IGF2BP2: variants seen among roughly 807,000 people sequenced by gnomAD.
IGF2BP2 encodes the protein insulin-like growth factor 2 mRNA-binding protein 2.
A neutral mutation model predicts 75.8 loss-of-function variants in IGF2BP2; 17 were observed. The observed-to-expected ratio is 0.22, with a 90% CI of 0.15 to 0.34. The LOEUF (loss-of-function observed/expected upper bound fraction) is 0.34. Ranked by LOEUF, IGF2BP2 falls within the 10% of genes least tolerant of loss-of-function variation. The pLI is 1.00. For synonymous variants in IGF2BP2, 288 were observed against 295.6 expected, an observed-to-expected ratio of 0.97 and a Z score of 0.26; for missense variants, 516 against 772.4, an observed-to-expected ratio of 0.67 and a Z score of 3.93.
Position 185,649,499 on chromosome 3 carries a change from T to G in IGF2BP2, c.1497A>C (p.Glu499Asp). ...CTTCTTCTTTGGGGTTAAAGAAGTT[T>G]TCCTCTTTCAGTTTCCCAAAGATCC... is the stretch of plus-strand genomic sequence containing the variant. Reference protein sequence around the residue: ...QGRIFGKLKEENFFNPKEEVK... With the variant: ...QGRIFGKLKEDNFFNPKEEVK... Residue 499 changes from glutamate (E) to aspartate (D), a missense_variant, in exon 14 of 16, where the codon GAA becomes GAC. Physicochemically the swap from Glu to Asp is conservative, Grantham distance 45 (BLOSUM62 2). Transcript: ENST00000382199. 8.1e-6 allele frequency: 13 copies of G among 1,614,200 alleles called. No homozygotes were observed. Among genetic ancestry groups the G allele is most frequent in the Non-Finnish European group, 1.1e-5 (13 of 1,180,028 alleles).
At chr3:185,677,042 G>GATATATAT (rs1491394053) in intron 7 of IGF2BP2, among the ~76,000 whole-genome samples, 5 of 21,610 alleles carry the variant, frequency 2.3e-4, no homozygotes, top group African/African-American at 8.6e-4. Context: ...TATATATATG[G>GATATATAT]AGATATATAT....
chr3:185,687,698 C>T (rs1721338563), intron 6 of IGF2BP2, among the ~76,000 whole-genome samples: 1 of 152,226 alleles, frequency 6.6e-6, no homozygotes, highest in Non-Finnish European at 1.5e-5. Context: ...TTTTGGTTTC[C>T]TTTCCATTGG....
intron 2 of IGF2BP2, among the ~76,000 whole-genome samples, chr3:185,790,908 A>G (rs9290823): frequency 0.039 from 5,916 of 152,304 alleles, 374 homozygotes; most frequent in African/African-American, 0.13. Context: ...AACTGCCCAC[A>G]TCATGTTTTT....
chr3:185,677,928 T>G (rs1185918490), intron 7 of IGF2BP2, among the ~76,000 whole-genome samples: 1 of 152,028 alleles, frequency 6.6e-6, no homozygotes, highest in Non-Finnish European at 1.5e-5. Flanking sequence ...TTAAAATAAA[T>G]AAATACAGTG....
intron 10 of IGF2BP2, among the ~76,000 whole-genome samples, chr3:185,662,653 C>T (rs1437546887): frequency 2.7e-5 from 4 of 148,368 alleles, no homozygotes; most frequent in Non-Finnish European, 4.4e-5. Context: ...AGTGATTCTT[C>T]TGCCTCAGCC....
chr3:185,794,990 C>T (rs1040156000), intron 2 of IGF2BP2, among the ~76,000 whole-genome samples: 4 of 152,024 alleles, frequency 2.6e-5, no homozygotes, highest in Non-Finnish European at 4.4e-5. Context: ...CTCCACCTCC[C>T]GGGTTCATGC....
intron 2 of IGF2BP2, among the ~76,000 whole-genome samples, chr3:185,703,857 T>C (rs1172966995): frequency 6.6e-6 from 1 of 152,198 alleles, no homozygotes; most frequent in Non-Finnish European, 1.5e-5. Context: ...TTCAGGCATA[T>C]GGTCTATTAG....
intron 2 of IGF2BP2, among the ~76,000 whole-genome samples, chr3:185,751,293 AG>A (rs1355001940): frequency 6.6e-6 from 1 of 151,942 alleles, no homozygotes; most frequent in Non-Finnish European, 1.5e-5. Context: ...AATCTAATGA[AG>A]GGGTCGGGTG....
chr3:185,730,239 A>AT (rs1371473707), intron 2 of IGF2BP2, among the ~76,000 whole-genome samples: 1 of 152,122 alleles, frequency 6.6e-6, no homozygotes, highest in African/African-American at 2.4e-5. Context: ...GTTATTTCAC[A>AT]TAAGATAATG....
At position 185,798,793 on chromosome 3, in the gene IGF2BP2, T is replaced by C. The variant is rs553284339; in HGVS notation, c.239+24360A>G. Among the ~76,000 whole-genome samples the C allele has an allele frequency of 4.5e-4, 59 of 130,848 alleles. 1 individual carries two copies. Among genetic ancestry groups the C allele is most frequent in the African/African-American group, 1.8e-3 (56 of 30,456 alleles). 85.8% of individuals were successfully genotyped at this position (130,848 alleles called of 152,430 possible). ...AACTAAGTTTTTCTTTTTTCTTTTT[T>C]TCTTTTTTTTTTTTGAGACAGAATC... On this transcript the variant is annotated intron_variant, in intron 2 of 15. Transcript: ENST00000382199.
intron 2 of IGF2BP2, among the ~76,000 whole-genome samples, chr3:185,773,277 T>C (rs1734120618): frequency 6.6e-6 from 1 of 152,244 alleles, no homozygotes; most frequent in Admixed American, 6.5e-5. Context: ...AATTCCTACT[T>C]GTCTATATTG....
At chr3:185,665,144 G>A (rs1172519791) in intron 10 of IGF2BP2, among the ~76,000 whole-genome samples, 1 of 143,284 alleles carries the variant, frequency 7.0e-6, no homozygotes, top group African/African-American at 2.6e-5. Context: ...CAGCCTACTA[G>A]GTGACAGAGC....
chr3:185,766,390 C>G (rs1224380830), intron 2 of IGF2BP2, among the ~76,000 whole-genome samples: 2 of 152,062 alleles, frequency 1.3e-5, no homozygotes, highest in East Asian at 3.9e-4. Context: ...AGCCAGCCAC[C>G]TGTTTTTGTA....
At position 185,739,931 on chromosome 3, in the gene IGF2BP2, C is replaced by A. The variant is rs568118911; in HGVS notation, c.240-41584G>T. Among the ~76,000 whole-genome samples the A allele has an allele frequency of 1.7e-3, 237 of 143,416 alleles. 1 individual carries two copies. The highest frequency in any genetic ancestry group is 5.7e-3 in the African/African-American group (221 of 39,008). 94.1% of individuals were successfully genotyped at this position (143,416 alleles called of 152,430 possible). On this transcript the variant is annotated intron_variant, in intron 2 of 15. Transcript: ENST00000382199. ...AGTGCAGTGGCACAAATGCAGGTCA[C>A]TGCAGCCCTGACTTCCCAAGTTCAG...
At position 185,644,894 on chromosome 3, in the gene IGF2BP2, G is replaced by C. The variant is rs550775221; in HGVS notation, c.*637C>G. 3.3e-5 allele frequency: 5 copies of C among 152,620 alleles called. No homozygotes were observed. The highest frequency in any genetic ancestry group is 9.6e-5 in the African/African-American group (4 of 41,524). The allele number at this position is 152,620 out of a possible 1,614,324, so 9.5% of individuals were successfully genotyped here. On this transcript the variant is annotated 3_prime_UTR_variant, in exon 16 of 16. Transcript: ENST00000382199. ...CTTCCGACGAGATTTCCCTCTGGGT[G>C]AATTTTGTGCGGGTGGCCTCAAAGC... is the stretch of plus-strand genomic sequence containing the variant.
intron 6 of IGF2BP2, 67 bp from the exon 7 acceptor site, chr3:185,687,258 C>T (rs775275986): frequency 3.4e-5 from 51 of 1,497,630 alleles, no homozygotes; most frequent in Non-Finnish European, 4.1e-5. Context: ...CCCAAGAAAG[C>T]GTCACACCAA....
At chr3:185,654,807 GCATCTGGAA>G (rs1375716377) in intron 12 of IGF2BP2, among the ~76,000 whole-genome samples, 2 of 152,204 alleles carry the variant, frequency 1.3e-5, no homozygotes, top group African/African-American at 2.4e-5. Context: ...ATTTTGTGCA[GCATCTGGAA>G]GCCTGTTCTA....
intron 2 of IGF2BP2, among the ~76,000 whole-genome samples, chr3:185,736,461 C>A (rs891831140): frequency 2.6e-5 from 4 of 152,236 alleles, no homozygotes; most frequent in South Asian, 2.1e-4. Context: ...CAGATTTTGA[C>A]ACTGCCATGG....
intron 10 of IGF2BP2, among the ~76,000 whole-genome samples, chr3:185,663,687 T>C (rs776439664): frequency 5.3e-5 from 8 of 152,168 alleles, no homozygotes; most frequent in Non-Finnish European, 7.3e-5. Context: ...ATAGGAATTA[T>C]GTTTAATTGA....
Sources: gnomAD v4.1 joint callset for allele counts (sites outside exome capture counted in the v4.1 genomes callset) on GRCh38, gnomAD v4.1.1 for gene constraint, MANE v1.5 for transcripts, NCBI Gene and HGNC (gene_info 2026-07-23, HGNC 2026-07-21) for gene names.